RCC2: variants seen among roughly 807,000 people sequenced by gnomAD.
RCC2 encodes regulator of chromosome condensation 2, also known as protein RCC2.
In RCC2, 19 loss-of-function variants were observed where a neutral mutation model predicts 64.1. The ratio of observed to expected loss-of-function variants is 0.30; its 90% CI spans 0.21 to 0.44. The LOEUF (loss-of-function observed/expected upper bound fraction) is 0.44. RCC2 is among the 20% of genes least tolerant of loss of function. The probability of loss-of-function intolerance (pLI) is 1.00; values close to 1 mark genes in which losing one functional copy is unlikely to be tolerated. For missense variants in RCC2, 508 were observed against 710.4 expected (o/e 0.72, Z 3.24); for synonymous variants, 325 against 279.6 (o/e 1.16, Z -1.62).
At chr1:17,439,391 C>G (rs934337346) in intron 1 of RCC2, among the ~76,000 whole-genome samples, 154 bp downstream of exon 1, 1 of 149,116 alleles carries the variant, frequency 6.7e-6, no homozygotes. Context: ...CCGATTAAAC[C>G]ACGTGGATCC....
chr1:17,411,423 A>C (rs1304110811), intron 11 of RCC2, among the ~76,000 whole-genome samples: 1 of 152,150 alleles, frequency 6.6e-6, no homozygotes, highest in Non-Finnish European at 1.5e-5. Context: ...CAAAAATACA[A>C]AAATTAGCTG....
At chr1:17,433,013 CATAT>C (rs34130431) in intron 2 of RCC2, among the ~76,000 whole-genome samples, 1 of 151,946 alleles carries the variant, frequency 6.6e-6, no homozygotes, top group South Asian at 2.1e-4. Flanking sequence ...CTCACACACA[CATAT>C]ATATACACAC....
chr1:17,429,265 C>G, intron 2 of RCC2, 66 bp from the exon 3 acceptor site: 1 of 1,252,000 alleles, frequency 8.0e-7, no homozygotes, highest in African/African-American at 1.5e-5. Flanking sequence ...CCAAGGCTGT[C>G]CAATGACAGC....
chr1:17,420,204 C>T (rs530753956), intron 7 of RCC2, among the ~76,000 whole-genome samples: 1 of 152,318 alleles, frequency 6.6e-6, no homozygotes, highest in South Asian at 2.1e-4. Flanking sequence ...CCTGAATTCT[C>T]CTTTTCCACC....
intron 7 of RCC2, among the ~76,000 whole-genome samples, chr1:17,418,474 T>C (rs1403976050): frequency 2.0e-5 from 3 of 152,080 alleles, no homozygotes; most frequent in East Asian, 3.9e-4. Flanking sequence ...CTGGCCAACA[T>C]GGTGAAACCC....
At chr1:17,412,323 A>G (rs931737144) in intron 10 of RCC2, 129 bp from the exon 11 acceptor site, 14 of 740,848 alleles carry the variant, frequency 1.9e-5, no homozygotes, top group East Asian at 5.3e-5. Flanking sequence ...AGCAAACACA[A>G]TAACAGGGCC....
chr1:17,408,956 C>T lies in RCC2; in HGVS notation c.*134G>A. 1 of 719,450 alleles carries T rather than the reference C, an allele frequency of 1.4e-6. No homozygotes were observed. The highest frequency in any genetic ancestry group is 2.0e-5 in the Admixed American group (1 of 49,376). The allele number at this position is 719,450 out of a possible 1,614,324, so 44.6% of individuals were successfully genotyped here. The stretch of plus-strand genomic sequence containing the variant: ...TTGGATCATGTGTAAAACGGAACCT[C>T]AGGGAGTCTAAACAAAAATGCACCT... On this transcript the variant is annotated 3_prime_UTR_variant, in exon 13 of 13. Transcript: ENST00000375436.
rs140945030 is a variant in RCC2, at chr1:17,422,124, G to A, written c.744+79C>T. On this transcript the variant is annotated intron_variant, in intron 6 of 12. Transcript: ENST00000375436. ...TTACAAGGGGTAAATTAACTCAAAC[G>A]GAGACCCCACCTTAGAAAATCAAAC... 45 of 1,011,144 alleles carry A rather than the reference G, an allele frequency of 4.5e-5. 1 individual carries two copies. Among genetic ancestry groups the A allele is most frequent in the South Asian group, 4.0e-4 (25 of 63,142 alleles). The allele number at this position is 1,011,144 out of a possible 1,614,324, so 62.6% of individuals were successfully genotyped here.
In RCC2 at chr1:17,438,269, G is replaced by T; in HGVS notation, c.246C>A (p.Ala82=). Reference sequence around the variant, plus strand: ...TGTGCTCGGGTTCGGTGATGACCACGGCCGCGCCGCCCGCCTTGCCTGCTG... The same window carrying T: ...TGTGCTCGGGTTCGGTGATGACCACTGCCGCGCCGCCCGCCTTGCCTGCTG... ...PATAGKAGGA[A]VVITEPEHTK... The change falls in exon 2 of 13, where the codon GCC becomes GCA. Residue 82 remains alanine (A), a synonymous_variant. Coordinates refer to ENST00000375436, the MANE Select transcript of RCC2 (RefSeq NM_018715.4). The T allele has an allele frequency of 7.6e-7, 1 of 1,315,302 alleles. No homozygotes were observed. Among genetic ancestry groups the T allele is most frequent in the Non-Finnish European group, 9.9e-7 (1 of 1,014,676 alleles). The allele number at this position is 1,315,302 out of a possible 1,614,324, so 81.5% of individuals were successfully genotyped here.
In RCC2 at chr1:17,416,678, C is replaced by CAGCACA. The variant is rs376833382; in HGVS notation, c.860-38_860-33dup. 1.4e-5 allele frequency: 22 copies of CAGCACA among 1,588,516 alleles called. No homozygotes were observed. In the African/African-American group the frequency reaches 2.4e-4, roughly 17 times the overall value. ...AGACCACAGAGCCGGCCATCAGCAG[C>CAGCACA]AGCACAAGCACAAGGGACGTGTCAG... is the stretch of plus-strand genomic sequence containing the variant. On this transcript the variant is annotated intron_variant, in intron 7 of 12. Coordinates refer to ENST00000375436, the MANE Select transcript of RCC2 (RefSeq NM_018715.4).
At chr1:17,438,020 G>T (rs901238994) in intron 2 of RCC2, among the ~76,000 whole-genome samples, 1 of 146,274 alleles carries the variant, frequency 6.8e-6, no homozygotes, top group Non-Finnish European at 1.5e-5. Context: ...GGTGCCCGGG[G>T]TCGGGTAGGC....
chr1:17,433,245 GCTTT>G (rs1170447554), intron 2 of RCC2, among the ~76,000 whole-genome samples: 4 of 152,206 alleles, frequency 2.6e-5, no homozygotes, highest in Admixed American at 1.3e-4. Context: ...GCTCTAAGCT[GCTTT>G]CTTTTATTTC....
In RCC2 at chr1:17,424,787, A is replaced by G. The variant is rs570286141; in HGVS notation, c.523+754T>C. Among the ~76,000 whole-genome samples the G allele has an allele frequency of 2.6e-5, 4 of 152,316 alleles. No individual in the cohort carries two copies. In the South Asian group the frequency reaches 6.2e-4, roughly 24 times the overall value. Reference sequence around the variant, plus strand: ...CTGGAGGCAGAGGCCGGGAGTCACCAAAAGGGCTGGGGATAAAATGAGCCT... The same window carrying G: ...CTGGAGGCAGAGGCCGGGAGTCACCGAAAGGGCTGGGGATAAAATGAGCCT... On this transcript the variant is annotated intron_variant, in intron 4 of 12. Transcript: ENST00000375436.
chr1:17,415,717 A>C (rs188424308), intron 8 of RCC2, among the ~76,000 whole-genome samples: 16 of 151,860 alleles, frequency 1.1e-4, no homozygotes, highest in African/African-American at 2.2e-4. Context: ...CTCAAATAAA[A>C]AAAAAAAAGA....
chr1:17,439,299 TC>T, intron 1 of RCC2, among the ~76,000 whole-genome samples: 1 of 149,180 alleles, frequency 6.7e-6, no homozygotes, highest in South Asian at 2.1e-4. Context: ...CGCCGCCAGC[TC>T]CCCGGCGTCC....
chr1:17,416,678 C>A, intron 7 of RCC2, 32 bp from the exon 8 acceptor site: 1 of 1,588,516 alleles, frequency 6.3e-7, no homozygotes, highest in Admixed American at 1.7e-5. Flanking sequence ...CCATCAGCAG[C>A]AGCACAAGCA....
rs2075407635 is a variant in RCC2, at chr1:17,410,018, C to T, written c.1420G>A (p.Ala474Thr). 6.2e-7 allele frequency: 1 copy of T among 1,614,036 alleles called. No individual in the cohort carries two copies. The highest frequency in any genetic ancestry group is 8.5e-7 in the Non-Finnish European group (1 of 1,179,942). Residue 474 changes from alanine (A) to threonine (T), a missense_variant, in exon 12 of 13, where the codon GCA becomes ACA. Physicochemically the swap from Ala to Thr is moderately conservative, Grantham distance 58. This residue lies in a region of RCC2 where 179 missense variants were observed against 322.0 expected (regional missense o/e 0.56). Transcript: ENST00000375436. ...YGDHKPKSST[A>T]AQEVKTLDGI... ...TCCAGAGTCTTTACCTCCTGGGCTG[C>T]AGTGGAAGACTTGGGCTTGTGGTCC...
intron 2 of RCC2, among the ~76,000 whole-genome samples, chr1:17,437,715 G>A (rs936863871): frequency 0.017 from 17 of 978 alleles, no homozygotes; most frequent in Admixed American, 0.013. Flanking sequence ...CCCGGGCGCC[G>A]GAGCCGAGGC....
chr1:17,432,105 A>G (rs1435743178), intron 2 of RCC2, among the ~76,000 whole-genome samples: 2 of 152,166 alleles, frequency 1.3e-5, no homozygotes, highest in African/African-American at 2.4e-5. Flanking sequence ...AGAAAAAAAA[A>G]GTTGGGGGGA....
Sources: gnomAD v4.1 joint callset for allele counts (sites outside exome capture counted in the v4.1 genomes callset) on GRCh38, gnomAD v4.1.1 for gene constraint, gnomAD v4.1.1 regional missense constraint, MANE v1.5 for transcripts, NCBI Gene and HGNC (gene_info 2026-07-23, HGNC 2026-07-21) for gene names.